Variants in UGT2B4 observed in about 807,000 individuals in gnomAD.
UGT2B4 encodes the protein UDP-glucuronosyltransferase 2B4.
UGT2B4 carries 49 observed loss-of-function variants against 49.8 expected under a neutral mutation model. That is an observed-to-expected ratio of 0.98 (90% CI 0.78 to 1.25). UGT2B4 has a LOEUF of 1.25. Among genes scored for constraint, UGT2B4 ranks in the 50% most tolerant of loss-of-function variants. The probability of loss-of-function intolerance (pLI) is 0.00; values close to 1 mark genes in which losing one functional copy is unlikely to be tolerated. For synonymous variants in UGT2B4, 246 were observed against 217.7 expected (o/e 1.13, Z -1.14); for missense variants, 729 against 627.7 (o/e 1.16, Z -1.73).
At chr4:69,504,267 A>G (rs1728412096) in intron 1 of UGT2B4, among the ~76,000 whole-genome samples, 2 of 152,192 alleles carry the variant, frequency 1.3e-5, no homozygotes, top group Non-Finnish European at 2.9e-5. Context: ...ATATGGATAG[A>G]AATGCAGTTC....
intron 1 of UGT2B4, among the ~76,000 whole-genome samples, chr4:69,513,964 A>T (rs3866920): frequency 0.59 from 89,333 of 151,858 alleles, 26,985 homozygotes; most frequent in East Asian, 0.75. Context: ...TCACCTTAAG[A>T]AGCTTTGGGG....
At chr4:69,510,891 A>G (rs1191613623) in intron 1 of UGT2B4, among the ~76,000 whole-genome samples, 2 of 151,910 alleles carry the variant, frequency 1.3e-5, no homozygotes, top group Non-Finnish European at 2.9e-5. Flanking sequence ...TTGTCCTGAT[A>G]TTAGATAAGA....
chr4:69,512,734 G>T (rs1415870706), intron 1 of UGT2B4, among the ~76,000 whole-genome samples: 1 of 151,686 alleles, frequency 6.6e-6, no homozygotes, highest in Non-Finnish European at 1.5e-5. Context: ...TTGTTTGTTT[G>T]TTTGTTTTGT....
At chr4:69,513,769 T>C (rs937560764) in intron 1 of UGT2B4, among the ~76,000 whole-genome samples, 8 of 152,186 alleles carry the variant, frequency 5.3e-5, no homozygotes, top group Non-Finnish European at 1.2e-4. Flanking sequence ...TTTGTAGTTC[T>C]CCTTGAAGAG....
chr4:69,495,022 A>C (rs1055069534), intron 1 of UGT2B4, 119 bp downstream of exon 1: 1 of 934,210 alleles, frequency 1.1e-6, no homozygotes, highest in Non-Finnish European at 1.5e-6. Flanking sequence ...TTACAATTTC[A>C]TTTGATAAAT....
rs1553896663 is a variant in UGT2B4 at position 69,502,114 on chromosome 4, T to TTTCTTTCTTTCTTTCTTTCTTTCTTTC, written c.-105-6175_-105-6149dup. On this transcript the variant is annotated intron_variant, in intron 1 of 1. Transcript: ENST00000510114. Reference sequence around the variant, plus strand: ...CTCTCTTTCTTTCTTTCTTTCTTTCTTTCTTTCTTTCTTTCTTTCTTTCTT... The same window carrying TTTCTTTCTTTCTTTCTTTCTTTCTTTC: ...CTCTCTTTCTTTCTTTCTTTCTTTCTTTCTTTCTTTCTTTCTTTCTTTCTTTCTTCTTTCTTTCTTTCTTTCTTTCTT... Among the ~76,000 whole-genome samples the TTTCTTTCTTTCTTTCTTTCTTTCTTTC allele has an allele frequency of 7.6e-3, 985 of 128,950 alleles. 38 individuals are homozygous for TTTCTTTCTTTCTTTCTTTCTTTCTTTC. The highest frequency in any genetic ancestry group is 0.017 in the Middle Eastern group (4 of 242). 84.6% of individuals were successfully genotyped at this position (128,950 alleles called of 152,430 possible).
At chr4:69,496,073 A>ATTT, upstream of UGT2B4, 8 of 500,568 alleles carry the variant, frequency 1.6e-5, no homozygotes, top group Admixed American at 4.9e-5. Context: ...TTCTTTTTGG[A>ATTT]TTTTTTTTTT....
chr4:69,505,570 G>C (rs762813535), intron 1 of UGT2B4, among the ~76,000 whole-genome samples: 3 of 152,104 alleles, frequency 2.0e-5, no homozygotes, highest in Non-Finnish European at 4.4e-5. Context: ...CATAAAGCAA[G>C]TTCTTACAGA....
At position 69,495,761 on chromosome 4, in the gene UGT2B4, C is replaced by T; in HGVS notation, c.101G>A (p.Ser34Asn). Residue 34 changes from serine to asparagine, a missense_variant, in exon 1 of 6, where the codon AGC (serine) becomes AAC (asparagine). Physicochemically the swap from Ser to Asn is conservative, Grantham distance 46. Coordinates refer to ENST00000305107, the MANE Select transcript of UGT2B4 (RefSeq NM_021139.3). ...GATTGTCTTTATATTCATCCAGTGG[C>T]TGAATTCTGTGGGCCACACCAGCAC... is the stretch of plus-strand genomic sequence containing the variant. ...GKVLVWPTEF[S>N]HWMNIKTILD... The T allele has an allele frequency of 6.2e-7, 1 of 1,614,010 alleles. No homozygotes were observed. Among genetic ancestry groups the T allele is most frequent in the Non-Finnish European group, 8.5e-7 (1 of 1,179,942 alleles).
chr4:69,483,398 T>A (rs1221217699), intron 5 of UGT2B4, among the ~76,000 whole-genome samples: 1 of 152,176 alleles, frequency 6.6e-6, no homozygotes, highest in Non-Finnish European at 1.5e-5. Flanking sequence ...GTGTGTGTTA[T>A]GTTACATTAC....
chr4:69,499,560 T>C (rs576239725), upstream of UGT2B4, among the ~76,000 whole-genome samples: 19 of 152,218 alleles, frequency 1.2e-4, no homozygotes, highest in Non-Finnish European at 2.4e-4. Context: ...ATTGGGTGCA[T>C]ATATATTTAG....
rs541551569 is a variant in UGT2B4 at position 69,492,955 on chromosome 4, T to C, written c.870+738A>G. ...TCTTTTTTTAAAAACTATAATCTTA[T>C]CCCATATTTTCTTTTCTTAACTCTT... On this transcript the variant is annotated intron_variant, in intron 2 of 5. Transcript: ENST00000305107. Among the ~76,000 whole-genome samples, 24 of 152,210 alleles carry C rather than the reference T, an allele frequency of 1.6e-4. 1 individual carries two copies. In the South Asian group the frequency reaches 5.0e-3, roughly 32 times the overall value.
intron 5 of UGT2B4, among the ~76,000 whole-genome samples, chr4:69,483,179 A>AT (rs1249749343): frequency 6.6e-6 from 1 of 152,088 alleles, no homozygotes; most frequent in Non-Finnish European, 1.5e-5. Context: ...AAATTTAAAG[A>AT]TTTTTTAGTT....
chr4:69,485,186 G>GT, intron 5 of UGT2B4, 22 bp downstream of exon 5: 1 of 1,612,224 alleles, frequency 6.2e-7, no homozygotes, highest in Non-Finnish European at 8.5e-7. Context: ...AGACCACCGA[G>GT]TAAAAAAAAA....
intron 1 of UGT2B4, among the ~76,000 whole-genome samples, chr4:69,511,889 G>A (rs556837633): frequency 6.6e-6 from 1 of 152,028 alleles, no homozygotes; most frequent in African/African-American, 2.4e-5. Context: ...GTCTTAGTAG[G>A]TTGTACGTTC....
intron 1 of UGT2B4, among the ~76,000 whole-genome samples, chr4:69,507,618 G>A (rs1728507938): frequency 6.6e-6 from 1 of 151,858 alleles, no homozygotes; most frequent in Non-Finnish European, 1.5e-5. Flanking sequence ...AATAGGAAGA[G>A]TCAATATTGT....
At chr4:69,515,504 C>G (rs539122283) in intron 1 of UGT2B4, among the ~76,000 whole-genome samples, 1 of 152,082 alleles carries the variant, frequency 6.6e-6, no homozygotes, top group Non-Finnish European at 1.5e-5. Context: ...TGGGACACAG[C>G]TAAAGCAGTG....
At chr4:69,507,765 A>G (rs548988379) in intron 1 of UGT2B4, among the ~76,000 whole-genome samples, 37 of 152,310 alleles carry the variant, frequency 2.4e-4, no homozygotes, top group African/African-American at 8.9e-4. Context: ...CCTGGAAGAC[A>G]AACTATGCAA....
chr4:69,500,318 G>C (rs1302939391), upstream of UGT2B4, among the ~76,000 whole-genome samples: 1 of 152,028 alleles, frequency 6.6e-6, no homozygotes, highest in Non-Finnish European at 1.5e-5. Flanking sequence ...TGGGTTGATA[G>C]CTGCAGCAAA....
Sources: allele counts gnomAD v4.1 joint callset (sites outside exome capture counted in the v4.1 genomes callset), GRCh38; gene constraint gnomAD v4.1.1; transcripts MANE v1.5; gene names NCBI Gene and HGNC (gene_info 2026-07-23, HGNC 2026-07-21).